INTS1: variants seen among roughly 807,000 people sequenced by gnomAD.
The protein encoded by INTS1 is integrator complex subunit 1.
INTS1 carries 137 observed loss-of-function variants against 241.6 expected under a neutral mutation model. The ratio of observed to expected loss-of-function variants is 0.57; its 90% CI spans 0.49 to 0.65. The LOEUF is 0.65. Among genes scored for constraint, INTS1 ranks in the 30% least tolerant of loss-of-function variants. INTS1 has a pLI of 0.00. For missense variants in INTS1, 3,073 were observed against 3,032.2 expected, an observed-to-expected ratio of 1.01 and a Z score of -0.32; for synonymous variants, 1,692 against 1,337.8, an observed-to-expected ratio of 1.26 and a Z score of -5.78.
Position 1,474,606 on chromosome 7 carries a change from G to T in INTS1, c.5636+99C>A, listed in dbSNP as rs1463389511. Reference sequence around the variant, plus strand: ...AGCCCATGGGAACATGCTTTTTTTTGTTGTTTTTGGAGTTTTGCTCTTGTT... The same window carrying T: ...AGCCCATGGGAACATGCTTTTTTTTTTTGTTTTTGGAGTTTTGCTCTTGTT... On this transcript the variant is annotated intron_variant, in intron 40 of 47. Coordinates refer to ENST00000404767, the MANE Select transcript of INTS1 (RefSeq NM_001080453.3). 83 of 1,416,230 alleles carry T rather than the reference G, an allele frequency of 5.9e-5. No homozygotes were observed. In the Admixed American group the frequency reaches 8.2e-4, roughly 14 times the overall value. The allele number at this position is 1,416,230 out of a possible 1,614,324, so 87.7% of individuals were successfully genotyped here.
At chr7:1,491,803 C>A (rs192668093) in intron 16 of INTS1, among the ~76,000 whole-genome samples, 1 of 152,198 alleles carries the variant, frequency 6.6e-6, no homozygotes, top group East Asian at 1.9e-4. Flanking sequence ...GAGGCCAAGG[C>A]GGGAGGACCG....
At chr7:1,473,021 T>G in intron 43 of INTS1, 51 bp downstream of exon 43, 1 of 1,284,442 alleles carries the variant, frequency 7.8e-7, no homozygotes, top group Non-Finnish European at 1.1e-6. Context: ...AACCAGGCCC[T>G]GTAGGACTGT....
Position 1,493,223 on chromosome 7 carries a change from T to TG in INTS1, c.2069-118dup, listed in dbSNP as rs1782670529. The TG allele has an allele frequency of 1.7e-6, 1 of 597,340 alleles. No homozygotes were observed. Among genetic ancestry groups the TG allele is most frequent in the African/African-American group, 1.9e-5 (1 of 52,052 alleles). The allele number at this position is 597,340 out of a possible 1,614,324, so 37.0% of individuals were successfully genotyped here. A position where few individuals can be genotyped will look rare whatever the true frequency, so the allele number is the denominator to read the frequency against. ...GGGTGGGGTGGGGGATGCCGCAGGG[T>TG]GGGGCGCAGGCCTGAGCAGGAGAGC... On this transcript the variant is annotated intron_variant, in intron 15 of 47. Transcript: ENST00000404767. The surrounding 1 kb of genome is among the most constrained non-coding windows in gnomAD (Gnocchi z 5.3).
At chr7:1,491,120 T>C (rs1782527859) in intron 16 of INTS1, among the ~76,000 whole-genome samples, 1 of 152,038 alleles carries the variant, frequency 6.6e-6, no homozygotes, top group African/African-American at 2.4e-5. Context: ...AACTATAACA[T>C]TCCCGGGAGA....
At chr7:1,502,850 G>A (rs1279915525) in intron 3 of INTS1, 51 bp downstream of exon 3, 7 of 1,597,816 alleles carry the variant, frequency 4.4e-6, no homozygotes, top group South Asian at 1.1e-5. Context: ...AACACCTGAT[G>A]GACGGCATGA....
rs886862433 is a variant in INTS1, at chr7:1,493,414, C to T, written c.2069-308G>A. On this transcript the variant is annotated intron_variant, in intron 15 of 47. Coordinates refer to ENST00000404767, the MANE Select transcript of INTS1 (RefSeq NM_001080453.3). The surrounding 1 kb of genome is among the most constrained non-coding windows in gnomAD (Gnocchi z 5.3). ...CAAGCCCTCGGGGCAGAGCCACGGACGAGGCGCGAGCTGGATTTACAATCA... is the reference window on the plus strand; with the variant it reads ...CAAGCCCTCGGGGCAGAGCCACGGATGAGGCGCGAGCTGGATTTACAATCA... Among the ~76,000 whole-genome samples, 1 of 152,082 alleles carries T rather than the reference C, an allele frequency of 6.6e-6. No homozygotes were observed. Among genetic ancestry groups the T allele is most frequent in the South Asian group, 2.1e-4 (1 of 4,820 alleles).
At position 1,499,032 on chromosome 7, in the gene INTS1, A is replaced by G. The variant is rs2128544317; in HGVS notation, c.1080T>C (p.Tyr360=). The change falls in exon 8 of 48, where the codon TAT becomes TAC. Residue 360 remains tyrosine (Y), a synonymous_variant. Transcript: ENST00000404767. ...GCACCGCCAGCAGCCGCACCTCCTTATAGCCGCAGGTGGAGGTGAGGAGCC... is the reference window on the plus strand; with the variant it reads ...GCACCGCCAGCAGCCGCACCTCCTTGTAGCCGCAGGTGGAGGTGAGGAGCC... The part of the protein sequence containing the change: ...LLRLLTSTCG[Y]KEVRLLAVQK... The G allele has an allele frequency of 6.4e-7, 1 of 1,570,116 alleles. No homozygotes were observed. The highest frequency in any genetic ancestry group is 2.2e-4 in the Middle Eastern group (1 of 4,470).
rs1318630173 is a variant in INTS1, at chr7:1,480,845, C to T, written c.3939G>A (p.Pro1313=). 6 of 1,551,770 alleles carry T rather than the reference C, an allele frequency of 3.9e-6. No homozygotes were observed. Among genetic ancestry groups the T allele is most frequent in the East Asian group, 2.4e-5 (1 of 41,330 alleles). ...ACCCCTCCCCAGTACCTCGGCGGGG[C>T]GGCAGGGAGGCTGTGAGCAAGGAGT... ...TFHSLLTASL[P]PRRDSTEAPK... Residue 1313 remains proline, a synonymous_variant, in exon 29 of 48, where the codon CCG becomes CCA. Coordinates refer to ENST00000404767, the MANE Select transcript of INTS1 (RefSeq NM_001080453.3).
chr7:1,480,869 G>A lies in INTS1; in HGVS notation c.3915C>T (p.His1305=), dbSNP rs747344454. 2.7e-5 allele frequency: 42 copies of A among 1,555,682 alleles called. No individual in the cohort carries two copies. The highest frequency in any genetic ancestry group is 3.6e-5 in the Non-Finnish European group (41 of 1,150,546). The change falls in exon 29 of 48, where the codon CAC becomes CAT. Residue 1305 remains histidine, a synonymous_variant. Transcript: ENST00000404767. ...GCGGCAGGGAGGCTGTGAGCAAGGA[G>A]TGGAAAGTCTGGCCTCCGGAGGCGC... ...ERGASGGQTF[H]SLLTASLPPR... is the part of the protein sequence containing the mutation.
rs1781456357 is a variant in INTS1 at position 1,471,276 on chromosome 7, A to C, written c.6256-52T>G. ...GTGACCAAGGGGTCCAGCCCCCATC[A>C]AGGCCCCTTCACCTCTTGGTCTCGT... is the stretch of plus-strand genomic sequence containing the variant. On this transcript the variant is annotated intron_variant, in intron 45 of 47. Coordinates refer to ENST00000404767, the MANE Select transcript of INTS1 (RefSeq NM_001080453.3). 6 of 1,515,870 alleles carry C rather than the reference A, an allele frequency of 4.0e-6. No individual in the cohort carries two copies. In the Admixed American group the frequency reaches 1.2e-4, roughly 30 times the overall value. 93.9% of individuals were successfully genotyped at this position (1,515,870 alleles called of 1,614,324 possible).
At chr7:1,486,813 G>A (rs754039437) in intron 21 of INTS1, 39 bp from the exon 22 acceptor site, 24 of 1,607,680 alleles carry the variant, frequency 1.5e-5, no homozygotes, top group Non-Finnish European at 2.0e-5. Context: ...GCAGGTGACA[G>A]GCCAGGCGGG....
chr7:1,480,231 G>T, intron 30 of INTS1, 86 bp downstream of exon 30: 4 of 1,447,940 alleles, frequency 2.8e-6, no homozygotes, highest in Non-Finnish European at 3.7e-6. Context: ...CGCAAGTAAA[G>T]GCCGCTGTGC....
intron 8 of INTS1, 23 bp downstream of exon 8, chr7:1,498,952 A>AGG: frequency 1.0e-6 from 1 of 974,074 alleles, no homozygotes; most frequent in Non-Finnish European, 1.4e-6. Flanking sequence ...TGCCCCGCCC[A>AGG]CCCCCCCGGG....
chr7:1,496,994 C>G (rs6976875), intron 11 of INTS1, 144 bp downstream of exon 11: 387,464 of 834,682 alleles, frequency 0.46, 95,752 homozygotes, highest in African/African-American at 0.77. Flanking sequence ...GACGCGTCAC[C>G]GCAAACAGCC....
Position 1,493,424 on chromosome 7 carries a change from G to C in INTS1, c.2069-318C>G, listed in dbSNP as rs1224321670. On this transcript the variant is annotated intron_variant, in intron 15 of 47. Transcript: ENST00000404767. The surrounding 1 kb of genome is among the most constrained non-coding windows in gnomAD (Gnocchi z 5.3). ...GGGCAGAGCCACGGACGAGGCGCGA[G>C]CTGGATTTACAATCATTCTACCTGT... Among the ~76,000 whole-genome samples, 8 of 152,158 alleles carry C rather than the reference G, an allele frequency of 5.3e-5. No homozygotes were observed. The highest frequency in any genetic ancestry group is 1.9e-4 in the African/African-American group (8 of 41,426).
In INTS1 at chr7:1,493,747, G is replaced by A. The variant is rs1352142322; in HGVS notation, c.2068+7C>T. On this transcript the variant is annotated splice_region_variant and intron_variant, in intron 15 of 47. Coordinates refer to ENST00000404767, the MANE Select transcript of INTS1 (RefSeq NM_001080453.3). The surrounding 1 kb of genome is among the most constrained non-coding windows in gnomAD (Gnocchi z 5.3). ...AGCACAGGCGCCATCCCCTGCAGAAGCCATACCATCCGCCTGCACGGCAGC... is the reference window on the plus strand; with the variant it reads ...AGCACAGGCGCCATCCCCTGCAGAAACCATACCATCCGCCTGCACGGCAGC... 3.2e-6 allele frequency: 5 copies of A among 1,573,206 alleles called. No individual in the cohort carries two copies. The African/African-American group carries it at 4.1e-5, about 13-fold the overall frequency.
chr7:1,477,195 C>G (rs957488271), intron 35 of INTS1, among the ~76,000 whole-genome samples: 1 of 152,230 alleles, frequency 6.6e-6, no homozygotes, highest in Admixed American at 6.5e-5. Context: ...TGTGGGGAGC[C>G]CAGCACCTGC....
chr7:1,485,592 C>T (rs1023350147), intron 22 of INTS1, 123 bp from the exon 23 acceptor site: 18 of 971,080 alleles, frequency 1.9e-5, no homozygotes, highest in Admixed American at 1.7e-4. Context: ...TTGCTTCCCA[C>T]GGGAGAGGCC....
Position 1,474,132 on chromosome 7 carries a change from G to GA in INTS1, c.5829+35dup, listed in dbSNP as rs774269030. The GA allele has an allele frequency of 2.0e-6, 3 of 1,533,180 alleles. No homozygotes were observed. The African/African-American group carries it at 4.1e-5, about 21-fold the overall frequency. 95.0% of individuals were successfully genotyped at this position (1,533,180 alleles called of 1,614,324 possible). On this transcript the variant is annotated intron_variant, in intron 41 of 47. Transcript: ENST00000404767. ...GGCCTGGGCCAGAGCAGAGGGAGTG[G>GA]AAGGGAGCGCGAGGGCGGGCGGCGG...
Sources: allele counts gnomAD v4.1 joint callset (sites outside exome capture counted in the v4.1 genomes callset), GRCh38; gene constraint gnomAD v4.1.1; non-coding constraint Gnocchi (gnomAD v3.1); transcripts MANE v1.5; gene names NCBI Gene and HGNC (gene_info 2026-07-23, HGNC 2026-07-21).